KIAA1217: variants seen among roughly 807,000 people sequenced by gnomAD.
The protein encoded by KIAA1217 is sickle tail protein homolog.
KIAA1217 carries 88 observed loss-of-function variants against 163.9 expected under a neutral mutation model. The observed-to-expected ratio is 0.54, with a 90% CI of 0.45 to 0.64. The LOEUF (loss-of-function observed/expected upper bound fraction) is 0.64, where lower values mean the gene tolerates loss of function less well. Among genes scored for constraint, KIAA1217 ranks in the 30% least tolerant of loss-of-function variants. The pLI, the probability that KIAA1217 is intolerant of heterozygous loss-of-function variation, is 0.00. For synonymous variants in KIAA1217, 903 were observed against 923.1 expected (o/e 0.98, Z 0.39); for missense variants, 2,372 against 2,475.0 (o/e 0.96, Z 0.88).
chr10:24,184,047 G>A (rs2066307469), intron 2 of KIAA1217, among the ~76,000 whole-genome samples: 1 of 152,136 alleles, frequency 6.6e-6, no homozygotes, highest in Non-Finnish European at 1.5e-5. Flanking sequence ...ACTTTAAACA[G>A]CACCATCTAT....
chr10:23,930,951 GT>G (rs1262302511), intron 1 of KIAA1217, among the ~76,000 whole-genome samples: 3 of 152,098 alleles, frequency 2.0e-5, no homozygotes, highest in African/African-American at 7.2e-5. Flanking sequence ...AGGAGTTCTA[GT>G]TCATTGTCTT....
At chr10:24,116,644 A>T (rs2063066793) in intron 2 of KIAA1217, among the ~76,000 whole-genome samples, 1 of 152,034 alleles carries the variant, frequency 6.6e-6, no homozygotes, top group Non-Finnish European at 1.5e-5. Flanking sequence ...GATGATTTTT[A>T]AATTTTTTAT....
chr10:24,219,729 G>C lies in KIAA1217; in HGVS notation c.174G>C (p.Lys58Asn), dbSNP rs773075022. 1 of 1,613,976 alleles carries C rather than the reference G, an allele frequency of 6.2e-7. No individual in the cohort carries two copies. Among genetic ancestry groups the C allele is most frequent in the Admixed American group, 1.7e-5 (1 of 59,998 alleles). The change falls in exon 2 of 21, where the codon AAG (lysine) becomes AAC (asparagine). Residue 58 changes from lysine to asparagine, a missense_variant. Transcript: ENST00000376454. ...GAAACAGTCGTGGTTCAGTTTCCAA[G>C]TCTTCCCGCAATATCCCAAGGAGAC... ...SNGNSRGSVS[K>N]SSRNIPRRHT...
chr10:24,409,467 C>T (rs2057541877), intron 3 of KIAA1217, among the ~76,000 whole-genome samples: 1 of 151,922 alleles, frequency 6.6e-6, no homozygotes, highest in Non-Finnish European at 1.5e-5. Flanking sequence ...GAAGGGATTA[C>T]AAATGGCCCA....
At chr10:24,044,729 GTAAC>G (rs1328024018) in intron 2 of KIAA1217, among the ~76,000 whole-genome samples, 1 of 152,110 alleles carries the variant, frequency 6.6e-6, no homozygotes, top group African/African-American at 2.4e-5. Flanking sequence ...AGTACAGTGT[GTAAC>G]TAATATGACC....
At chr10:24,353,094 G>A (rs2048660557) in intron 2 of KIAA1217, among the ~76,000 whole-genome samples, 1 of 152,046 alleles carries the variant, frequency 6.6e-6, no homozygotes. Flanking sequence ...AGATAGAGAT[G>A]TTCTATCCTG....
intron 1 of KIAA1217, among the ~76,000 whole-genome samples, chr10:23,810,807 C>A: frequency 8.2e-6 from 1 of 122,058 alleles, no homozygotes; most frequent in African/African-American, 3.3e-5. Context: ...TTATAATTAC[C>A]AAATACTAAT....
Position 24,219,658 on chromosome 10 carries a change from C to A in KIAA1217, c.103C>A (p.Pro35Thr), listed in dbSNP as rs563441863. The A allele has an allele frequency of 6.2e-7, 1 of 1,610,656 alleles. No individual in the cohort carries two copies. The highest frequency in any genetic ancestry group is 1.1e-5 in the South Asian group (1 of 90,342). Residue 35 changes from proline (P) to threonine (T), a missense_variant, in exon 2 of 21, where the codon CCA (proline) becomes ACA (threonine). This residue lies in a region of KIAA1217 where 1,431 missense variants were observed against 1,470.3 expected (regional missense o/e 0.97). Transcript: ENST00000376454. ...QGKGNLHVTS[P>T]EDAECRRTKE... The stretch of plus-strand genomic sequence containing the variant: ...CAAAGGCAATCTGCATGTAACATCA[C>A]CAGAAGATGCAGAATGCCGCAGAAC...
intron 2 of KIAA1217, among the ~76,000 whole-genome samples, chr10:24,025,380 C>T (rs1847895483): frequency 2.0e-5 from 3 of 151,752 alleles, no homozygotes; most frequent in African/African-American, 7.2e-5. Context: ...CTATATATCT[C>T]ATCTTATTCC....
chr10:24,228,153 T>C (rs2070853369), intron 2 of KIAA1217, among the ~76,000 whole-genome samples: 1 of 151,826 alleles, frequency 6.6e-6, no homozygotes, highest in African/African-American at 2.4e-5. Context: ...CTCGTGCCAG[T>C]TGGGGGGCTG....
intron 2 of KIAA1217, among the ~76,000 whole-genome samples, chr10:24,032,130 C>A (rs1261641855): frequency 5.3e-5 from 8 of 152,010 alleles, no homozygotes; most frequent in Non-Finnish European, 1.0e-4. Context: ...ATGTTGAATG[C>A]TTTATAATAA....
rs138743539 is a variant in KIAA1217, at chr10:24,398,220, A to G, written c.553+17153A>G. ...ACCATAAAGTAAGCTATAGAAAAGA[A>G]AATCTTATTAAGATAATCATTAAGA... On this transcript the variant is annotated intron_variant, in intron 3 of 20. Coordinates refer to ENST00000376454, the MANE Select transcript of KIAA1217 (RefSeq NM_019590.5). Among the ~76,000 whole-genome samples, 1,180 of 152,346 alleles carry G rather than the reference A, an allele frequency of 7.7e-3. 7 individuals carry two copies. The highest frequency in any genetic ancestry group is 0.041 in the Middle Eastern group (12 of 292).
At chr10:24,532,286 C>T (rs79155401) in intron 15 of KIAA1217, among the ~76,000 whole-genome samples, 2,129 of 152,260 alleles carry the variant, frequency 0.014, 66 homozygotes, top group East Asian at 0.059. Flanking sequence ...GAGGGGGAAA[C>T]GCAAGAAAGA....
rs557415808 is a variant in KIAA1217 at position 24,521,743 on chromosome 10, T to G, written c.2309-39T>G. Reference sequence around the variant, plus strand: ...GCGGGATGAGGGTTGTCGTTCTGGCTTTTTCTCCTCCAATTCACCTGCTGG... The same window carrying G: ...GCGGGATGAGGGTTGTCGTTCTGGCGTTTTCTCCTCCAATTCACCTGCTGG... On this transcript the variant is annotated intron_variant, in intron 11 of 20. Coordinates refer to ENST00000376454, the MANE Select transcript of KIAA1217 (RefSeq NM_019590.5). The G allele has an allele frequency of 2.4e-5, 38 of 1,595,714 alleles. No homozygotes were observed. In the East Asian group the frequency reaches 4.5e-4, roughly 19 times the overall value.
At chr10:24,544,650 A>AAAC (rs925090945) in intron 19 of KIAA1217, among the ~76,000 whole-genome samples, 169 bp downstream of exon 19, 1 of 151,166 alleles carries the variant, frequency 6.6e-6, no homozygotes, top group African/African-American at 2.4e-5. Context: ...CTCACCTTCC[A>AAAC]AACAACAACA....
intron 9 of KIAA1217, among the ~76,000 whole-genome samples, chr10:24,509,873 T>G (rs763951339): frequency 4.6e-5 from 7 of 152,094 alleles, no homozygotes; most frequent in Admixed American, 1.3e-4. Flanking sequence ...AATCATAATA[T>G]TCATTAAGTG....
chr10:24,294,210 A>G (rs1267066388), intron 2 of KIAA1217, among the ~76,000 whole-genome samples: 1 of 151,512 alleles, frequency 6.6e-6, no homozygotes, highest in Non-Finnish European at 1.5e-5. Context: ...AAAAAAAAAA[A>G]AAAGAAATAG....
chr10:24,237,830 A>G (rs1273671661), intron 2 of KIAA1217, among the ~76,000 whole-genome samples: 1 of 152,124 alleles, frequency 6.6e-6, no homozygotes, highest in East Asian at 1.9e-4. Flanking sequence ...GAGTGCTCCA[A>G]CTCTGGCTGC....
chr10:23,904,160 G>A (rs1007422513), intron 1 of KIAA1217, among the ~76,000 whole-genome samples: 1 of 152,108 alleles, frequency 6.6e-6, no homozygotes, highest in African/African-American at 2.4e-5. Flanking sequence ...CAGCTGTAAA[G>A]GCAATTGGTA....
Sources: allele counts gnomAD v4.1 joint callset (sites outside exome capture counted in the v4.1 genomes callset), GRCh38; gene constraint gnomAD v4.1.1; regional missense constraint gnomAD v4.1.1; transcripts MANE v1.5; gene names NCBI Gene and HGNC (gene_info 2026-07-23, HGNC 2026-07-21).